DDX54: variants seen among roughly 807,000 people sequenced by gnomAD.
The protein encoded by DDX54 is ATP-dependent RNA helicase DDX54.
Under a neutral mutation model 105.5 loss-of-function variants are expected in DDX54, and 67 were observed. The observed-to-expected ratio is 0.64, with a 90% CI of 0.52 to 0.78. The LOEUF (loss-of-function observed/expected upper bound fraction) is 0.78, where lower values mean the gene tolerates loss of function less well. Among genes scored for constraint, DDX54 ranks in the 30% least tolerant of loss-of-function variants. The pLI is 0.00. For missense variants in DDX54, 1,206 were observed against 1,230.5 expected (o/e 0.98, Z 0.30); for synonymous variants, 514 against 509.9 (o/e 1.01, Z -0.11).
At chr12:113,177,241 G>A in intron 5 of DDX54, 148 bp from the exon 6 acceptor site, 1 of 817,254 alleles carries the variant, frequency 1.2e-6, no homozygotes, top group East Asian at 2.6e-5. Context: ...GCTGAGGTAT[G>A]AGGCAAAGGC....
chr12:113,170,784 T>G (rs1260250468), intron 11 of DDX54, among the ~76,000 whole-genome samples: 3 of 152,272 alleles, frequency 2.0e-5, no homozygotes, highest in African/African-American at 7.2e-5. Context: ...CCACAAAGCC[T>G]AACGTTTCAT....
Position 113,163,175 on chromosome 12 carries a change from A to G in DDX54, c.2038T>C (p.Phe680Leu), listed in dbSNP as rs758295711. The part of the protein sequence containing the change: ...REEARQRDQE[F>L]YIPYRPKDFD... The stretch of plus-strand genomic sequence containing the variant: ...TCCTTGGGCCGGTAGGGGATGTAGA[A>G]TTCCTGGTCCCGCTGCCGGGCCTCC... Residue 680 changes from phenylalanine (F) to leucine (L), a missense_variant, in exon 16 of 20, where the codon TTC (phenylalanine) becomes CTC (leucine). This residue lies in a region of DDX54 where 961 missense variants were observed against 1,019.1 expected (regional missense o/e 0.94). Coordinates refer to ENST00000306014, the MANE Select transcript of DDX54 (RefSeq NM_024072.4). The surrounding 1 kb of genome is among the most constrained non-coding windows in gnomAD (Gnocchi z 5.9). 17 of 1,612,944 alleles carry G rather than the reference A, an allele frequency of 1.1e-5. No individual in the cohort carries two copies. The highest frequency in any genetic ancestry group is 1.4e-5 in the Non-Finnish European group (16 of 1,179,992).
Position 113,176,972 on chromosome 12 carries a change from C to G in DDX54, c.657-37G>C, listed in dbSNP as rs534871858. 7 of 1,613,666 alleles carry G rather than the reference C, an allele frequency of 4.3e-6. No homozygotes were observed. The East Asian group carries it at 1.3e-4, about 31-fold the overall frequency. On this transcript the variant is annotated intron_variant, in intron 6 of 19. Coordinates refer to ENST00000306014, the MANE Select transcript of DDX54 (RefSeq NM_024072.4). ...TGCACAGGCCAGGTGACCCCAGGGC[C>G]AGGGCCACCACCACAGTTCTCTTAC... is the stretch of plus-strand genomic sequence containing the variant.
chr12:113,157,920 G>A lies in DDX54; in HGVS notation c.*957C>T. 1 of 560,358 alleles carries A rather than the reference G, an allele frequency of 1.8e-6. No individual in the cohort carries two copies. The highest frequency in any genetic ancestry group is 3.2e-6 in the Non-Finnish European group (1 of 312,536). 34.7% of individuals were successfully genotyped at this position (560,358 alleles called of 1,614,324 possible). A position where few individuals can be genotyped will look rare whatever the true frequency, so the allele number is the denominator to read the frequency against. On this transcript the variant is annotated 3_prime_UTR_variant, in exon 20 of 20. Transcript: ENST00000306014. The stretch of plus-strand genomic sequence containing the variant: ...GGGAAGGTCAAGGGGCTATGTGTGG[G>A]GCAACTGCCTCTAAAATGAGATCAG...
chr12:113,180,542 T>G (rs1206941107), intron 2 of DDX54, among the ~76,000 whole-genome samples: 1 of 152,206 alleles, frequency 6.6e-6, no homozygotes, highest in Non-Finnish European at 1.5e-5. Context: ...CATCTTGATA[T>G]TTAAATCCTT....
At chr12:113,171,975 C>T (rs1952345327) in intron 11 of DDX54, among the ~76,000 whole-genome samples, 1 of 152,116 alleles carries the variant, frequency 6.6e-6, no homozygotes, top group Admixed American at 6.6e-5. Context: ...TACCCTTGGG[C>T]AAAATCATCC....
chr12:113,162,099 T>C, intron 17 of DDX54, 102 bp from the exon 18 acceptor site: 1 of 1,119,244 alleles, frequency 8.9e-7, no homozygotes, highest in East Asian at 2.4e-5. Context: ...TGTCAGGTTG[T>C]TGGAGCATTA....
chr12:113,172,650 T>A, intron 10 of DDX54, 87 bp from the exon 11 acceptor site: 1 of 1,500,102 alleles, frequency 6.7e-7, no homozygotes, highest in Non-Finnish European at 9.0e-7. Context: ...GGACGGGCAC[T>A]GAGGTGCAGA....
In DDX54 at chr12:113,157,722, C is replaced by A; in HGVS notation, c.*1155G>T. 6.8e-7 allele frequency: 1 copy of A among 1,479,234 alleles called. No homozygotes were observed. Among genetic ancestry groups the A allele is most frequent in the Non-Finnish European group, 9.2e-7 (1 of 1,082,840 alleles). The allele number at this position is 1,479,234 out of a possible 1,614,324, so 91.6% of individuals were successfully genotyped here. A position where few individuals can be genotyped will look rare whatever the true frequency, so the allele number is the denominator to read the frequency against. On this transcript the variant is annotated 3_prime_UTR_variant, in exon 20 of 20. Coordinates refer to ENST00000306014, the MANE Select transcript of DDX54 (RefSeq NM_024072.4). ...AGCGGGAGAGGGAACCCCTGAGAGA[C>A]CCTGAGATAGGAGGGCCCACATTTC...
intron 7 of DDX54, among the ~76,000 whole-genome samples, chr12:113,176,032 A>C (rs1952398627): frequency 2.0e-5 from 3 of 146,536 alleles, no homozygotes; most frequent in African/African-American, 2.6e-5. Context: ...CCCCTCCCCA[A>C]CTCTGCCAGG....
chr12:113,179,563 G>C (rs150008291), intron 3 of DDX54, among the ~76,000 whole-genome samples: 1 of 152,148 alleles, frequency 6.6e-6, no homozygotes, highest in South Asian at 2.1e-4. Flanking sequence ...ACCCTTCTTC[G>C]GAGGAGCCAG....
rs1356949352 is a variant in DDX54, at chr12:113,157,472, T to A, written c.*1405A>T. 4.1e-6 allele frequency: 3 copies of A among 726,308 alleles called. No individual in the cohort carries two copies. Among genetic ancestry groups the A allele is most frequent in the Non-Finnish European group, 7.0e-6 (3 of 429,280 alleles). The allele number at this position is 726,308 out of a possible 1,614,324, so 45.0% of individuals were successfully genotyped here. On this transcript the variant is annotated 3_prime_UTR_variant, in exon 20 of 20. Coordinates refer to ENST00000306014, the MANE Select transcript of DDX54 (RefSeq NM_024072.4). ...CAGTCACCACCTCTGGGAACCACCA[T>A]CATCACTGTTCTTTTAATGAGGGGA... is the stretch of plus-strand genomic sequence containing the variant.
intron 7 of DDX54, among the ~76,000 whole-genome samples, chr12:113,176,006 C>T (rs546872481): frequency 6.6e-6 from 1 of 151,904 alleles, no homozygotes; most frequent in South Asian, 2.1e-4. Context: ...ATCCCCCTCC[C>T]CACTTCCCCC....
chr12:113,174,521 T>C, intron 10 of DDX54, 119 bp downstream of exon 10: 1 of 1,400,692 alleles, frequency 7.1e-7, no homozygotes. Flanking sequence ...AATGACCATC[T>C]TGAGCCCAGG....
chr12:113,173,239 C>A (rs983549271), intron 10 of DDX54, among the ~76,000 whole-genome samples: 2 of 152,138 alleles, frequency 1.3e-5, no homozygotes, highest in Non-Finnish European at 2.9e-5. Flanking sequence ...TGCCTACAGT[C>A]CCAGGTACTT....
chr12:113,159,094 T>C lies in DDX54; in HGVS notation c.2429A>G (p.His810Arg), dbSNP rs1277893892. The change falls in exon 20 of 20, where the codon CAC (histidine) becomes CGC (arginine). Residue 810 changes from histidine (H) to arginine (R), a missense_variant. His to Arg is a conservative substitution (Grantham distance 29). Around this residue, in one of 3 missense-constraint regions of DDX54, gnomAD observed 961 missense variants for 1,019.1 expected, o/e 0.94. Coordinates refer to ENST00000306014, the MANE Select transcript of DDX54 (RefSeq NM_024072.4). Reference protein sequence around the residue: ...RDRGQGASRPHAPGTPAGRVR... With the variant: ...RDRGQGASRPRAPGTPAGRVR... Reference sequence around the variant, plus strand: ...TCGGCCTGCAGGGGTGCCTGGGGCGTGGGGCCGGGATGCACCTGCTGGGAC... The same window carrying C: ...TCGGCCTGCAGGGGTGCCTGGGGCGCGGGGCCGGGATGCACCTGCTGGGAC... The C allele has an allele frequency of 6.2e-7, 1 of 1,601,050 alleles. No homozygotes were observed. Among genetic ancestry groups the C allele is most frequent in the Non-Finnish European group, 8.5e-7 (1 of 1,174,836 alleles).
In DDX54 at chr12:113,157,704, G is replaced by A; in HGVS notation, c.*1173C>T. On this transcript the variant is annotated 3_prime_UTR_variant, in exon 20 of 20. Coordinates refer to ENST00000306014, the MANE Select transcript of DDX54 (RefSeq NM_024072.4). ...GCCCTGACACAGGTGAGCAGCGGGA[G>A]AGGGAACCCCTGAGAGACCCTGAGA... 6.5e-7 allele frequency: 1 copy of A among 1,543,784 alleles called. No individual in the cohort carries two copies. The highest frequency in any genetic ancestry group is 8.8e-7 in the Non-Finnish European group (1 of 1,140,450).
At chr12:113,180,401 C>T (rs1402341116) in intron 2 of DDX54, among the ~76,000 whole-genome samples, 3 of 152,132 alleles carry the variant, frequency 2.0e-5, no homozygotes, top group African/African-American at 7.2e-5. Context: ...TCTTGTCCCT[C>T]TTGGTGGTGA....
rs1952228791 is a variant in DDX54, at chr12:113,163,007, T to G, written c.2120A>C (p.Gln707Pro). 6.2e-7 allele frequency: 1 copy of G among 1,609,742 alleles called. No homozygotes were observed. The highest frequency in any genetic ancestry group is 8.5e-7 in the Non-Finnish European group (1 of 1,179,826). Residue 707 changes from glutamine (Q) to proline (P), a missense_variant, in exon 17 of 20, where the codon CAG (glutamine) becomes CCG (proline). Physicochemically the swap from Gln to Pro is moderately conservative, Grantham distance 76. Around this residue, in one of 3 missense-constraint regions of DDX54, gnomAD observed 961 missense variants for 1,019.1 expected, o/e 0.94. Transcript: ENST00000306014. The surrounding 1 kb of genome is among the most constrained non-coding windows in gnomAD (Gnocchi z 5.9). The stretch of plus-strand genomic sequence containing the variant: ...CAAGTCCAGGACAGCGCCAGCTGCC[T>G]GCTGCTCAAAGGCTCCCCCTTCCCC... ...ISGEGGAFEQ[Q>P]AAGAVLDLMG...
Sources: gnomAD v4.1 joint callset for allele counts (sites outside exome capture counted in the v4.1 genomes callset) on GRCh38, gnomAD v4.1.1 for gene constraint, gnomAD v4.1.1 regional missense constraint, Gnocchi (gnomAD v3.1) non-coding constraint, MANE v1.5 for transcripts, NCBI Gene and HGNC (gene_info 2026-07-23, HGNC 2026-07-21) for gene names.